The following CSMD1 variants were observed in gnomAD, a reference collection of about 807,000 sequenced individuals.
CSMD1 encodes CUB and sushi domain-containing protein 1.
Under a neutral mutation model 417.5 loss-of-function variants are expected in CSMD1, and 213 were observed. That is an observed-to-expected ratio of 0.51 (90% CI 0.46 to 0.57). The LOEUF (loss-of-function observed/expected upper bound fraction) is 0.57, where lower values mean the gene tolerates loss of function less well. Ranked by LOEUF, CSMD1 falls within the 20% of genes least tolerant of loss-of-function variation. CSMD1 has a pLI of 0.00. For synonymous variants in CSMD1, 2,862 were observed against 1,736.8 expected (o/e 1.65, Z -16.11); for missense variants, 6,923 against 4,529.7 (o/e 1.53, Z -15.17).
At chr8:4,167,471 G>T (rs1301386523) in intron 3 of CSMD1, among the ~76,000 whole-genome samples, 1 of 152,218 alleles carries the variant, frequency 6.6e-6, no homozygotes, top group East Asian at 1.9e-4. Context: ...GTGGCTGAGA[G>T]ACTACATTAG....
At chr8:3,908,098 G>C (rs191659899) in intron 5 of CSMD1, among the ~76,000 whole-genome samples, 1 of 152,252 alleles carries the variant, frequency 6.6e-6, no homozygotes, top group African/African-American at 2.4e-5. Context: ...CCTAATGTCT[G>C]TTGAGGCTTT....
chr8:3,385,132 T>C (rs1461277848), intron 18 of CSMD1, among the ~76,000 whole-genome samples: 1 of 131,308 alleles, frequency 7.6e-6, no homozygotes, highest in Non-Finnish European at 1.6e-5. Flanking sequence ...TATATAAATA[T>C]ATAATACATA....
intron 4 of CSMD1, among the ~76,000 whole-genome samples, chr8:4,003,740 G>C (rs1386179956): frequency 6.6e-6 from 1 of 152,136 alleles, no homozygotes; most frequent in Admixed American, 6.5e-5. Context: ...ACAGGCGAGT[G>C]ACACTGAGAG....
At chr8:4,007,577 G>A (rs984203936) in intron 4 of CSMD1, among the ~76,000 whole-genome samples, 1 of 152,184 alleles carries the variant, frequency 6.6e-6, no homozygotes, top group Non-Finnish European at 1.5e-5. Context: ...CTCGGTGCGT[G>A]CTGAGTGCAA....
intron 2 of CSMD1, among the ~76,000 whole-genome samples, chr8:4,537,581 C>T (rs935827126): frequency 3.9e-5 from 6 of 152,140 alleles, no homozygotes; most frequent in South Asian, 4.1e-4. Flanking sequence ...CTGAACATTT[C>T]GTGGCCTGGG....
intron 25 of CSMD1, among the ~76,000 whole-genome samples, chr8:3,292,360 G>C (rs1194543518): frequency 1.3e-5 from 2 of 152,126 alleles, no homozygotes; most frequent in Non-Finnish European, 2.9e-5. Flanking sequence ...GTGCAGAGCT[G>C]AGTTCAATTC....
chr8:3,926,902 G>C (rs909790714), intron 5 of CSMD1, among the ~76,000 whole-genome samples: 4 of 151,508 alleles, frequency 2.6e-5, no homozygotes, highest in Non-Finnish European at 5.9e-5. Flanking sequence ...TTTTAGTAGA[G>C]AAAGGGTTTC....
At chr8:4,626,179 G>C (rs1563346238) in intron 2 of CSMD1, among the ~76,000 whole-genome samples, 1 of 152,118 alleles carries the variant, frequency 6.6e-6, no homozygotes, top group Non-Finnish European at 1.5e-5. Flanking sequence ...AGCAGGCCAA[G>C]GTTTTCTTTA....
At chr8:4,271,211 C>T (rs1804572670) in intron 3 of CSMD1, among the ~76,000 whole-genome samples, 2 of 152,068 alleles carry the variant, frequency 1.3e-5, no homozygotes, top group Admixed American at 6.6e-5. Context: ...CATATATATA[C>T]TTGCAATGCG....
intron 25 of CSMD1, among the ~76,000 whole-genome samples, chr8:3,292,327 T>C (rs1299233395): frequency 1.3e-5 from 2 of 152,150 alleles, no homozygotes; most frequent in Non-Finnish European, 2.9e-5. Context: ...GAGAGTTCTG[T>C]AGATGTCTAT....
chr8:4,128,113 A>G (rs891422988), intron 3 of CSMD1, among the ~76,000 whole-genome samples: 1 of 152,134 alleles, frequency 6.6e-6, no homozygotes, highest in Non-Finnish European at 1.5e-5. Flanking sequence ...CATCTGGCAA[A>G]CACTGTCAGG....
chr8:3,367,678 A>G (rs1298684897), intron 19 of CSMD1, among the ~76,000 whole-genome samples: 4 of 152,260 alleles, frequency 2.6e-5, no homozygotes, highest in Non-Finnish European at 5.9e-5. Context: ...ACTTAAGTGC[A>G]TATAAGTACA....
chr8:3,562,221 G>T (rs975581345), intron 10 of CSMD1, among the ~76,000 whole-genome samples: 1 of 152,134 alleles, frequency 6.6e-6, no homozygotes, highest in Non-Finnish European at 1.5e-5. Flanking sequence ...GTAGAATAGA[G>T]ATTTGTATCA....
chr8:4,171,291 A>G lies in CSMD1; in HGVS notation c.416-139192T>C, dbSNP rs1365827847. Reference sequence around the variant, plus strand: ...ATTCATTCACCTGGCATTTATTGTAAGCAACCCTACGCCAGGCTGTTTTCC... The same window carrying G: ...ATTCATTCACCTGGCATTTATTGTAGGCAACCCTACGCCAGGCTGTTTTCC... On this transcript the variant is annotated intron_variant, in intron 3 of 69. Coordinates refer to ENST00000635120, the MANE Select transcript of CSMD1 (RefSeq NM_033225.6). Among the ~76,000 whole-genome samples, 2 of 151,890 alleles carry G rather than the reference A, an allele frequency of 1.3e-5. 1 individual carries two copies. Among genetic ancestry groups the G allele is most frequent in the African/African-American group, 4.9e-5 (2 of 41,174 alleles).
chr8:3,173,618 T>C (rs1820719797), intron 37 of CSMD1, among the ~76,000 whole-genome samples: 1 of 152,216 alleles, frequency 6.6e-6, no homozygotes, highest in Admixed American at 6.5e-5. Flanking sequence ...ATTACACTAT[T>C]GGATGAATGC....
chr8:4,142,679 C>T (rs1388339030), intron 3 of CSMD1, among the ~76,000 whole-genome samples: 1 of 151,034 alleles, frequency 6.6e-6, no homozygotes. Flanking sequence ...GGCTTCTTTG[C>T]AGTTATTGGG....
chr8:3,972,307 T>C (rs1813144415), intron 5 of CSMD1, among the ~76,000 whole-genome samples: 1 of 152,234 alleles, frequency 6.6e-6, no homozygotes, highest in Admixed American at 6.5e-5. Context: ...AACACAATGT[T>C]AGAAATCCAG....
At chr8:4,090,071 G>A (rs1800636337) in intron 3 of CSMD1, among the ~76,000 whole-genome samples, 1 of 152,164 alleles carries the variant, frequency 6.6e-6, no homozygotes, top group African/African-American at 2.4e-5. Flanking sequence ...TTTCGAATGA[G>A]CAAAACTTAA....
intron 3 of CSMD1, among the ~76,000 whole-genome samples, chr8:4,399,205 ATG>A (rs2128928119): frequency 1.3e-5 from 2 of 149,144 alleles, no homozygotes; most frequent in Admixed American, 1.3e-4. Flanking sequence ...GGAATTTACT[ATG>A]TGTTTAAATA....
Sources: allele counts gnomAD v4.1 joint callset (sites outside exome capture counted in the v4.1 genomes callset), GRCh38; gene constraint gnomAD v4.1.1; transcripts MANE v1.5; gene names NCBI Gene and HGNC (gene_info 2026-07-23, HGNC 2026-07-21).